Variants in FAM200B observed in about 807,000 individuals in gnomAD.
FAM200B encodes zinc finger BED-type containing 11.
In FAM200B, 32 loss-of-function variants were observed where a neutral mutation model predicts 33.1. The ratio of observed to expected loss-of-function variants is 0.97; its 90% confidence interval spans 0.73 to 1.30. The LOEUF (loss-of-function observed/expected upper bound fraction) is 1.30, where lower values mean the gene tolerates loss of function less well. FAM200B is among the 50% of genes most tolerant of loss of function. The pLI is 0.00. For missense variants in FAM200B, 741 were observed against 754.0 expected (o/e 0.98, Z 0.20); for synonymous variants, 240 against 264.8 (o/e 0.91, Z 0.91).
the FAM200B span, among the ~76,000 whole-genome samples, chr4:15,669,825 TA>T: frequency 6.6e-6 from 1 of 152,224 alleles, no homozygotes; most frequent in African/African-American, 2.4e-5. Context: ...ATTTTACTGA[TA>T]TTTTCAGCAT....
the FAM200B span, among the ~76,000 whole-genome samples, chr4:15,673,380 G>T: frequency 7.9e-5 from 12 of 152,120 alleles, no homozygotes; most frequent in Non-Finnish European, 1.2e-4. Context: ...GGTCGAGGCT[G>T]CAGTGAGCCA....
upstream of FAM200B, among the ~76,000 whole-genome samples, chr4:15,678,547 CAT>C (rs1718077705): frequency 6.6e-6 from 1 of 152,194 alleles, no homozygotes; most frequent in African/African-American, 2.4e-5. Flanking sequence ...TATACATTTA[CAT>C]AGTCTCAAAA....
the FAM200B span, among the ~76,000 whole-genome samples, chr4:15,637,949 T>C: frequency 1.3e-5 from 2 of 150,778 alleles, no homozygotes; most frequent in Non-Finnish European, 2.9e-5. Context: ...TTCTCATTTG[T>C]ATTCTCAGAG....
At chr4:15,676,730 G>C (rs1718008431), upstream of FAM200B, among the ~76,000 whole-genome samples, 1 of 152,018 alleles carries the variant, frequency 6.6e-6, no homozygotes, top group Admixed American at 6.6e-5. Flanking sequence ...GTTGAAACTA[G>C]GTGTTGGGTT....
chr4:15,676,401 A>G, the FAM200B span, among the ~76,000 whole-genome samples: 16 of 152,200 alleles, frequency 1.1e-4, no homozygotes. Flanking sequence ...GGGAAATTCA[A>G]TCAGACAAAT....
the FAM200B span, chr4:15,655,314 C>G: frequency 1.5e-6 from 2 of 1,366,220 alleles, no homozygotes; most frequent in East Asian, 3.5e-5. Flanking sequence ...TCCGCCTCAG[C>G]AGCCGCGGCC....
the FAM200B span, among the ~76,000 whole-genome samples, chr4:15,655,615 T>A: frequency 6.6e-6 from 1 of 152,120 alleles, no homozygotes; most frequent in Non-Finnish European, 1.5e-5. Context: ...TAGCTGAGGG[T>A]AGGGGAAAGT....
chr4:15,655,639 C>G, the FAM200B span, among the ~76,000 whole-genome samples: 1 of 152,204 alleles, frequency 6.6e-6, no homozygotes, highest in African/African-American at 2.4e-5. Context: ...TGCAGTGGCG[C>G]TCTCGGCGCT....
the FAM200B span, among the ~76,000 whole-genome samples, chr4:15,645,350 G>A: frequency 2.0e-5 from 3 of 152,144 alleles, no homozygotes; most frequent in African/African-American, 7.2e-5. Flanking sequence ...TAGTGAACCA[G>A]TTTTAAAGTC....
the FAM200B span, among the ~76,000 whole-genome samples, chr4:15,674,535 CTT>C: frequency 6.6e-6 from 1 of 152,038 alleles, no homozygotes; most frequent in East Asian, 1.9e-4. Context: ...GTAATCATAA[CTT>C]TTTTCCTTAC....
the FAM200B span, among the ~76,000 whole-genome samples, chr4:15,662,912 G>A: frequency 0.63 from 95,224 of 151,992 alleles, 29,934 homozygotes; most frequent in Non-Finnish European, 0.65. Context: ...ATCTTTGTCA[G>A]AATAATCTTT....
At chr4:15,680,826 A>G (rs1331788073), upstream of FAM200B, among the ~76,000 whole-genome samples, 1 of 151,486 alleles carries the variant, frequency 6.6e-6, no homozygotes, top group Non-Finnish European at 1.5e-5. Context: ...TGTATCTAAC[A>G]TGTTTCCCTG....
Position 15,689,039 on chromosome 4 carries a change from G to T in FAM200B, c.*88G>T. 1.1e-6 allele frequency: 1 copy of T among 951,358 alleles called. No individual in the cohort carries two copies. The highest frequency in any genetic ancestry group is 1.4e-6 in the Non-Finnish European group (1 of 707,438). 58.9% of individuals were successfully genotyped at this position (951,358 alleles called of 1,614,324 possible). On this transcript the variant is annotated 3_prime_UTR_variant, in exon 2 of 2. Transcript: ENST00000422728. ...TATATTTAAATGGTACTATAATACT[G>T]TGATACTTTTGTTATGTTTTAATTT...
the FAM200B span, among the ~76,000 whole-genome samples, chr4:15,644,208 T>C: frequency 2.0e-5 from 3 of 152,210 alleles, no homozygotes; most frequent in Non-Finnish European, 4.4e-5. Flanking sequence ...TTGGCCTTGA[T>C]GTTTCCTCAG....
chr4:15,644,292 G>A, the FAM200B span, among the ~76,000 whole-genome samples: 6 of 152,056 alleles, frequency 3.9e-5, no homozygotes, highest in African/African-American at 1.2e-4. Context: ...ATTCACCGTC[G>A]GGACTGATCT....
At chr4:15,681,332 G>C (rs1165111558), upstream of FAM200B, 1 of 158,902 alleles carries the variant, frequency 6.3e-6, no homozygotes, top group Non-Finnish European at 1.5e-5. Context: ...GCTGGGGCGG[G>C]CGCGGGCCGG....
the FAM200B span, among the ~76,000 whole-genome samples, chr4:15,669,930 C>A: frequency 6.6e-6 from 1 of 152,146 alleles, no homozygotes; most frequent in East Asian, 1.9e-4. Flanking sequence ...GCGGTAATCA[C>A]CCTAGGTACT....
In FAM200B at chr4:15,687,798, C is replaced by T; in HGVS notation, c.821C>T (p.Thr274Ile). 1 of 1,550,492 alleles carries T rather than the reference C, an allele frequency of 6.4e-7. No homozygotes were observed. The highest frequency in any genetic ancestry group is 1.2e-5 in the South Asian group (1 of 83,932). Reference sequence around the variant, plus strand: ...CACCTAAGTGGATTAGATATTTTTACAGAATTAGAAAGGCGCATAGTTGGC... The same window carrying T: ...CACCTAAGTGGATTAGATATTTTTATAGAATTAGAAAGGCGCATAGTTGGC... ...TSHLSGLDIFTELERRIVGQY... is the reference protein window; with the variant it reads ...TSHLSGLDIFIELERRIVGQY... The change falls in exon 2 of 2, where the codon ACA becomes ATA. Residue 274 changes from threonine (T) to isoleucine (I), a missense_variant. By Grantham distance (89) the Thr-to-Ile change is moderately conservative. Coordinates refer to ENST00000422728, the MANE Select transcript of FAM200B (RefSeq NM_001145191.2).
the FAM200B span, chr4:15,655,167 C>T: frequency 7.4e-7 from 1 of 1,350,208 alleles, no homozygotes; most frequent in East Asian, 3.5e-5. Context: ...CATCGCCGCC[C>T]GCACCGCCCA....
Sources: gnomAD v4.1 joint callset for allele counts (sites outside exome capture counted in the v4.1 genomes callset) on GRCh38, gnomAD v4.1.1 for gene constraint, MANE v1.5 for transcripts, NCBI Gene and HGNC (gene_info 2026-07-23, HGNC 2026-07-21) for gene names.